ANKRD30B: variants seen among roughly 807,000 people sequenced by gnomAD.
ANKRD30B encodes ankyrin repeat domain 30B.
A neutral mutation model predicts 202.2 loss-of-function variants in ANKRD30B; 144 were observed. That is an observed-to-expected ratio of 0.71 (90% CI 0.62 to 0.82). The LOEUF is 0.82. ANKRD30B is among the 40% of genes least tolerant of loss of function. The pLI is 0.00. For synonymous variants in ANKRD30B, 508 were observed against 561.3 expected (o/e 0.91, Z 1.34); for missense variants, 1,487 against 1,669.1 (o/e 0.89, Z 1.90).
chr18:14,796,869 C>A (rs1346612410), intron 18 of ANKRD30B, among the ~76,000 whole-genome samples: 2 of 151,990 alleles, frequency 1.3e-5, no homozygotes, highest in Non-Finnish European at 2.9e-5. Flanking sequence ...GTGAGATGGT[C>A]CCATGTGGAT....
chr18:14,905,254 T>A, the ANKRD30B span, among the ~76,000 whole-genome samples: 1 of 152,244 alleles, frequency 6.6e-6, no homozygotes, highest in African/African-American at 2.4e-5. Context: ...TATTCTCTAT[T>A]CCTTTACCTT....
At chr18:14,771,700 A>G (rs1037652175) in intron 8 of ANKRD30B, among the ~76,000 whole-genome samples, 2 of 152,168 alleles carry the variant, frequency 1.3e-5, no homozygotes, top group Non-Finnish European at 2.9e-5. Context: ...TAGTCTTTGA[A>G]TCAGAGATAG....
At chr18:14,778,141 T>C in intron 10 of ANKRD30B, 66 bp downstream of exon 10, 1 of 1,053,370 alleles carries the variant, frequency 9.5e-7, no homozygotes, top group Admixed American at 2.4e-5. Context: ...TGAGGACTGA[T>C]ATACTCTGAC....
rs772479272 is a variant in ANKRD30B at position 14,840,578 on chromosome 18, T to C, written c.2989-10T>C. 1.0e-4 allele frequency: 129 copies of C among 1,296,172 alleles called. No individual in the cohort carries two copies. The African/African-American group carries it at 1.8e-3, about 18-fold the overall frequency. 80.3% of individuals were successfully genotyped at this position (1,296,172 alleles called of 1,614,324 possible). On this transcript the variant is annotated splice_polypyrimidine_tract_variant and intron_variant, in intron 36 of 43. Coordinates refer to ENST00000690538, the MANE Select transcript of ANKRD30B (RefSeq NM_001367607.2). ...AAAAAGAAATTATTTATTAATATTA[T>C]CTTTAACAGATTATCTCTGTGAGTG...
the ANKRD30B span, among the ~76,000 whole-genome samples, chr18:14,865,947 C>T: frequency 6.6e-6 from 1 of 152,276 alleles, no homozygotes; most frequent in Non-Finnish European, 1.5e-5. Context: ...ATATGCCTTT[C>T]CTGGACTACA....
rs753673483 is a variant in ANKRD30B at position 14,852,211 on chromosome 18, T to C, written c.4267T>C (p.Phe1423Leu). 1 of 1,590,346 alleles carries C rather than the reference T, an allele frequency of 6.3e-7. No individual in the cohort carries two copies. The highest frequency in any genetic ancestry group is 2.4e-5 in the East Asian group (1 of 42,286). ...GCAGGAGTCTCTGGAGCAGAAATTA[T>C]TTCAACTAGAAAGCAAAAATAGGTG... The part of the protein sequence containing the change: ...EQQESLEQKL[F>L]QLESKNRWLR... Residue 1423 changes from phenylalanine to leucine, a missense_variant, in exon 42 of 44, where the codon TTT (phenylalanine) becomes CTT (leucine). Phe to Leu is a conservative substitution (Grantham distance 22). Transcript: ENST00000690538.
At chr18:14,789,624 C>T (rs1968327784) in intron 15 of ANKRD30B, among the ~76,000 whole-genome samples, 1 of 152,158 alleles carries the variant, frequency 6.6e-6, no homozygotes, top group African/African-American at 2.4e-5. Context: ...GCCAGTTTTC[C>T]CAGCACCATT....
the ANKRD30B span, among the ~76,000 whole-genome samples, chr18:14,912,348 A>T: frequency 6.6e-6 from 1 of 152,030 alleles, no homozygotes; most frequent in Non-Finnish European, 1.5e-5. Context: ...AATTTTATTG[A>T]AGTATTTTTG....
chr18:14,884,645 A>G, the ANKRD30B span, among the ~76,000 whole-genome samples: 2 of 152,102 alleles, frequency 1.3e-5, no homozygotes, highest in Admixed American at 6.6e-5. Flanking sequence ...ATGCAACCAC[A>G]TGAAAACCAG....
the ANKRD30B span, among the ~76,000 whole-genome samples, chr18:14,926,716 A>G: frequency 6.6e-6 from 1 of 152,206 alleles, no homozygotes; most frequent in Admixed American, 6.5e-5. Context: ...CTTGAGCCCA[A>G]GAGTCTGAGA....
chr18:14,826,681 TCTCTCTCTCTCTCA>T (rs1568052730), intron 32 of ANKRD30B, among the ~76,000 whole-genome samples: 8 of 32,416 alleles, frequency 2.5e-4, no homozygotes, highest in African/African-American at 5.3e-4. Context: ...TCTCCCCCTC[TCTCTCTCTCTCTCA>T]CACACACACA....
At chr18:14,823,998 C>T (rs186528469) in intron 32 of ANKRD30B, among the ~76,000 whole-genome samples, 1 of 152,130 alleles carries the variant, frequency 6.6e-6, no homozygotes, top group Non-Finnish European at 1.5e-5. Context: ...ACAAACAAAA[C>T]CCCAGAAATT....
chr18:14,817,349 C>T (rs1381294105), intron 30 of ANKRD30B, among the ~76,000 whole-genome samples: 1 of 152,108 alleles, frequency 6.6e-6, no homozygotes, highest in Non-Finnish European at 1.5e-5. Flanking sequence ...CTAAAAAACT[C>T]CAGTGTACAC....
chr18:14,776,127 C>G (rs1967334710), intron 9 of ANKRD30B, among the ~76,000 whole-genome samples: 1 of 152,184 alleles, frequency 6.6e-6, no homozygotes, highest in African/African-American at 2.4e-5. Context: ...CAGCAGGCTA[C>G]TACTGCAGAT....
chr18:14,925,264 T>G, the ANKRD30B span, among the ~76,000 whole-genome samples: 1 of 152,162 alleles, frequency 6.6e-6, no homozygotes, highest in African/African-American at 2.4e-5. Context: ...TGAGCTGGCC[T>G]GAACTTCTGA....
At chr18:14,784,110 C>T (rs1967927107) in intron 12 of ANKRD30B, among the ~76,000 whole-genome samples, 1 of 152,126 alleles carries the variant, frequency 6.6e-6, no homozygotes, top group Admixed American at 6.5e-5. Context: ...CACAATCTCG[C>T]TTTTGAGGTC....
At chr18:14,926,655 A>G in the ANKRD30B span, among the ~76,000 whole-genome samples, 2 of 152,212 alleles carry the variant, frequency 1.3e-5, no homozygotes, top group Admixed American at 6.5e-5. Flanking sequence ...AATGAGACAT[A>G]AAAATTAGAA....
At chr18:14,845,726 A>G (rs1035882425) in intron 39 of ANKRD30B, among the ~76,000 whole-genome samples, 4 of 152,102 alleles carry the variant, frequency 2.6e-5, no homozygotes, top group Non-Finnish European at 5.9e-5. Flanking sequence ...AACAACATAA[A>G]TTGAATTCTC....
At chr18:14,767,527 T>C (rs996679141) in intron 7 of ANKRD30B, among the ~76,000 whole-genome samples, 1 of 152,166 alleles carries the variant, frequency 6.6e-6, no homozygotes, top group Non-Finnish European at 1.5e-5. Context: ...TGTGAGATGA[T>C]ATAATGCCTA....
Sources: allele counts gnomAD v4.1 joint callset (sites outside exome capture counted in the v4.1 genomes callset), GRCh38; gene constraint gnomAD v4.1.1; transcripts MANE v1.5; gene names NCBI Gene and HGNC (gene_info 2026-07-23, HGNC 2026-07-21).